The following AKAP19 variants were observed in gnomAD, a reference collection of about 807,000 sequenced individuals.
The protein encoded by AKAP19 is A-kinase anchoring protein 19.
chr2:190,027,968 G>A, the AKAP19 span, among the ~76,000 whole-genome samples: 4,961 of 152,184 alleles, frequency 0.033, 277 homozygotes, highest in African/African-American at 0.11. Flanking sequence ...ATTTTGAAAT[G>A]TAATTTTGTG....
chr2:190,017,975 C>G, the AKAP19 span, among the ~76,000 whole-genome samples: 1 of 152,182 alleles, frequency 6.6e-6, no homozygotes, highest in Non-Finnish European at 1.5e-5. Context: ...TCATCCTGCT[C>G]TCTCATGGTC....
chr2:190,093,761 T>C, the AKAP19 span, among the ~76,000 whole-genome samples: 2 of 152,240 alleles, frequency 1.3e-5, no homozygotes, highest in African/African-American at 4.8e-5. Context: ...AATTTGCCCG[T>C]GTGTAATTTT....
At chr2:189,919,781 A>G in the AKAP19 span, among the ~76,000 whole-genome samples, 4 of 152,148 alleles carry the variant, frequency 2.6e-5, no homozygotes, top group East Asian at 1.9e-4. Flanking sequence ...GCTTCACTTT[A>G]TGTTGTCTCT....
chr2:190,002,045 A>T, the AKAP19 span, among the ~76,000 whole-genome samples: 4 of 152,184 alleles, frequency 2.6e-5, no homozygotes, highest in African/African-American at 9.7e-5. Flanking sequence ...AATCGCTGCC[A>T]TTTCTCACAT....
chr2:190,089,425 AC>A, the AKAP19 span: 6 of 152,236 alleles, frequency 3.9e-5, no homozygotes, highest in African/African-American at 9.6e-5. Flanking sequence ...TTAAAACAAA[AC>A]ACAAAATTCA....
the AKAP19 span, among the ~76,000 whole-genome samples, chr2:189,886,565 A>G: frequency 6.6e-6 from 1 of 152,220 alleles, no homozygotes; most frequent in African/African-American, 2.4e-5. Flanking sequence ...TCCACAAATA[A>G]CCATAATAAA....
chr2:190,041,951 T>C, the AKAP19 span, among the ~76,000 whole-genome samples: 1 of 152,186 alleles, frequency 6.6e-6, no homozygotes, highest in Non-Finnish European at 1.5e-5. Flanking sequence ...GTATCAGTGT[T>C]CATCAAAGAT....
At chr2:190,114,524 C>T in the AKAP19 span, among the ~76,000 whole-genome samples, 1 of 152,158 alleles carries the variant, frequency 6.6e-6, no homozygotes, top group African/African-American at 2.4e-5. Flanking sequence ...GGCGCGATCT[C>T]GGCTCACTGC....
At chr2:190,119,773 C>T in the AKAP19 span, among the ~76,000 whole-genome samples, 2 of 151,846 alleles carry the variant, frequency 1.3e-5, no homozygotes, top group African/African-American at 4.8e-5. Context: ...TCCCATGTGA[C>T]ATTCTGAAAA....
At chr2:190,128,285 C>A in the AKAP19 span, among the ~76,000 whole-genome samples, 1 of 152,152 alleles carries the variant, frequency 6.6e-6, no homozygotes, top group African/African-American at 2.4e-5. Flanking sequence ...AGAAACCAAT[C>A]CATCTAAAGA....
At chr2:189,992,727 G>A in the AKAP19 span, among the ~76,000 whole-genome samples, 1 of 151,998 alleles carries the variant, frequency 6.6e-6, no homozygotes, top group African/African-American at 2.4e-5. Flanking sequence ...CTATGTAGAG[G>A]TCTTTCACCT....
chr2:189,998,727 AT>A, the AKAP19 span, among the ~76,000 whole-genome samples: 8 of 109,672 alleles, frequency 7.3e-5, no homozygotes, highest in South Asian at 2.0e-3. Context: ...TTGCTTTTCT[AT>A]TTTTTCTTTT....
At chr2:189,905,697 G>A in the AKAP19 span, among the ~76,000 whole-genome samples, 1 of 152,010 alleles carries the variant, frequency 6.6e-6, no homozygotes, top group African/African-American at 2.4e-5. Flanking sequence ...CTCATTAGCA[G>A]TACGAAGCTT....
the AKAP19 span, among the ~76,000 whole-genome samples, chr2:189,913,979 G>T: frequency 6.6e-6 from 1 of 152,026 alleles, no homozygotes; most frequent in Non-Finnish European, 1.5e-5. Context: ...ATACGGAAAT[G>T]AGGAGTAACT....
At chr2:189,890,286 G>A in the AKAP19 span, among the ~76,000 whole-genome samples, 2 of 152,302 alleles carry the variant, frequency 1.3e-5, no homozygotes, top group East Asian at 3.9e-4. Flanking sequence ...TGGTCTGAGA[G>A]ACAGTTTGTT....
At chr2:189,934,998 G>A in the AKAP19 span, among the ~76,000 whole-genome samples, 11 of 152,108 alleles carry the variant, frequency 7.2e-5, no homozygotes, top group Admixed American at 3.9e-4. Context: ...TGCATGTAGC[G>A]TTTTTAAATA....
At chr2:190,139,725 G>A in the AKAP19 span, among the ~76,000 whole-genome samples, 2 of 152,236 alleles carry the variant, frequency 1.3e-5, no homozygotes, top group Non-Finnish European at 2.9e-5. Context: ...AACATGTGGA[G>A]GTTATGGGAA....
the AKAP19 span, among the ~76,000 whole-genome samples, chr2:190,138,653 C>A: frequency 5.3e-5 from 8 of 152,194 alleles, no homozygotes; most frequent in African/African-American, 1.7e-4. Flanking sequence ...TGCCCTCAAC[C>A]TTTTAACAGG....
the AKAP19 span, among the ~76,000 whole-genome samples, chr2:190,179,056 T>C: frequency 3.9e-5 from 6 of 152,336 alleles, no homozygotes; most frequent in African/African-American, 1.4e-4. This position sits in a 1 kb window ranked among gnomAD's most constrained non-coding sequence, Gnocchi z 6.0. Context: ...ATGGTGTGCC[T>C]GAAATATGTA....
Sources: allele counts gnomAD v4.1 joint callset (sites outside exome capture counted in the v4.1 genomes callset), GRCh38; gene constraint gnomAD v4.1.1; non-coding constraint Gnocchi (gnomAD v3.1); transcripts MANE v1.5; gene names NCBI Gene and HGNC (gene_info 2026-07-23, HGNC 2026-07-21).